The following RTN1 variants were observed in gnomAD, a reference collection of about 807,000 sequenced individuals.
The protein encoded by RTN1 is reticulon-1.
RTN1 carries 25 observed loss-of-function variants against 65.5 expected under a neutral mutation model. That is an observed-to-expected ratio of 0.38 (90% confidence interval 0.28 to 0.53). The LOEUF is 0.53. Ranked by LOEUF, RTN1 falls within the 20% of genes least tolerant of loss-of-function variation. RTN1 has a pLI of 0.79. For synonymous variants in RTN1, 471 were observed against 447.6 expected (o/e 1.05, Z -0.66); for missense variants, 983 against 1,025.4 (o/e 0.96, Z 0.57).
At chr14:59,687,261 C>T (rs773755704) in intron 3 of RTN1, among the ~76,000 whole-genome samples, 17 of 151,734 alleles carry the variant, frequency 1.1e-4, no homozygotes, top group Admixed American at 5.2e-4. Context: ...TGCTTGCCTG[C>T]GCCAGCAGTC....
chr14:59,721,636 G>A (rs778141053), intron 3 of RTN1, among the ~76,000 whole-genome samples: 99 of 152,326 alleles, frequency 6.5e-4, no homozygotes, highest in Non-Finnish European at 1.1e-3. Context: ...GTCCTTGCTA[G>A]CTTAAAGAAA....
intron 2 of RTN1, among the ~76,000 whole-genome samples, chr14:59,732,081 C>T (rs538944397): frequency 8.5e-5 from 13 of 152,254 alleles, no homozygotes; most frequent in African/African-American, 3.1e-4. Context: ...GATCTTGGAA[C>T]AGAAACAGAA....
At chr14:59,741,893 G>T (rs1036096953) in intron 2 of RTN1, among the ~76,000 whole-genome samples, 2 of 152,176 alleles carry the variant, frequency 1.3e-5, no homozygotes, top group African/African-American at 4.8e-5. Context: ...CAGAGGGGCA[G>T]TCCTTGGACC....
intron 2 of RTN1, among the ~76,000 whole-genome samples, chr14:59,737,924 T>G (rs1204964637): frequency 1.3e-5 from 2 of 152,210 alleles, no homozygotes; most frequent in Non-Finnish European, 2.9e-5. Flanking sequence ...GAATTCCCTA[T>G]GTAATAAATG....
chr14:59,851,335 T>G (rs1468063248), intron 1 of RTN1, among the ~76,000 whole-genome samples: 1 of 152,174 alleles, frequency 6.6e-6, no homozygotes, highest in Non-Finnish European at 1.5e-5. Context: ...TTTAACAGAT[T>G]GTTAAAGACT....
intron 1 of RTN1, among the ~76,000 whole-genome samples, chr14:59,831,189 G>A (rs1887118610): frequency 6.6e-6 from 1 of 152,184 alleles, no homozygotes; most frequent in Non-Finnish European, 1.5e-5. Flanking sequence ...GCCAGTGGGT[G>A]CCCAGATACT....
At chr14:59,682,444 G>A (rs1883764915) in intron 3 of RTN1, among the ~76,000 whole-genome samples, 1 of 152,162 alleles carries the variant, frequency 6.6e-6, no homozygotes, top group Non-Finnish European at 1.5e-5. Context: ...CTTTCCTGCT[G>A]TTGAAGTTTA....
intron 3 of RTN1, among the ~76,000 whole-genome samples, chr14:59,671,269 G>A (rs79419820): frequency 1.3e-5 from 2 of 152,254 alleles, no homozygotes; most frequent in East Asian, 3.9e-4. Flanking sequence ...CCATATTTGT[G>A]GAAAAGGATT....
chr14:59,860,784 G>A (rs971055259), intron 1 of RTN1, among the ~76,000 whole-genome samples: 5 of 152,254 alleles, frequency 3.3e-5, no homozygotes, highest in Admixed American at 6.5e-5. Context: ...AGTGAGACAC[G>A]GAGTCAAAGG....
chr14:59,853,467 AC>A (rs777113963), intron 1 of RTN1, among the ~76,000 whole-genome samples: 23 of 152,114 alleles, frequency 1.5e-4, no homozygotes, highest in Non-Finnish European at 2.2e-4. Flanking sequence ...AGCTGTCATA[AC>A]CCATCCTATC....
intron 3 of RTN1, among the ~76,000 whole-genome samples, chr14:59,680,676 G>T (rs768896982): frequency 6.6e-6 from 1 of 152,092 alleles, no homozygotes; most frequent in African/African-American, 2.4e-5. Flanking sequence ...TTTTAGTATG[G>T]TAATTCTATT....
rs886312032 is a variant in RTN1 at position 59,745,860 on chromosome 14, A to G, written c.863T>C (p.Ile288Thr). The change falls in exon 2 of 9, where the codon ATA becomes ACA. Residue 288 changes from isoleucine (I) to threonine (T), a missense_variant. This residue lies in a region of RTN1 where 818 missense variants were observed against 801.8 expected (regional missense o/e 1.02). Transcript: ENST00000267484. The part of the protein sequence containing the change: ...TTPVKITLTE[I>T]EPSVETTTQE... ...GGTAGTGGTTTCAACAGAAGGTTCT[A>G]TTTCCGTCAGTGTGATTTTGACAGG... 1.9e-6 allele frequency: 3 copies of G among 1,613,962 alleles called. No homozygotes were observed. The highest frequency in any genetic ancestry group is 2.5e-6 in the Non-Finnish European group (3 of 1,179,998).
At chr14:59,866,705 A>G (rs1294010903) in intron 1 of RTN1, among the ~76,000 whole-genome samples, 1 of 152,190 alleles carries the variant, frequency 6.6e-6, no homozygotes, top group Non-Finnish European at 1.5e-5. Context: ...TAAAGATAGT[A>G]ATGGCACAGT....
In RTN1 at chr14:59,807,425, C is replaced by A. The variant is rs115037671; in HGVS notation, c.242-60944G>T. The stretch of plus-strand genomic sequence containing the variant: ...GGGATGGGTGTAATCTACAAAGAAT[C>A]CATAATGCCCCACAAAAGATTCAAA... On this transcript the variant is annotated intron_variant, in intron 1 of 8. Transcript: ENST00000267484. Among the ~76,000 whole-genome samples the A allele has an allele frequency of 1.5e-3, 236 of 152,280 alleles. 4 individuals are homozygous for A. The highest frequency in any genetic ancestry group is 5.5e-3 in the African/African-American group (228 of 41,556).
intron 1 of RTN1, among the ~76,000 whole-genome samples, chr14:59,848,083 T>C (rs1887440702): frequency 6.6e-6 from 1 of 152,222 alleles, no homozygotes; most frequent in Admixed American, 6.5e-5. Context: ...GGCTCAGATT[T>C]TGAAGGCCTA....
chr14:59,838,278 A>G (rs1887249433), intron 1 of RTN1, among the ~76,000 whole-genome samples: 1 of 152,232 alleles, frequency 6.6e-6, no homozygotes, highest in African/African-American at 2.4e-5. Context: ...TGCAAAGGTC[A>G]GTTCAACCTT....
Position 59,767,915 on chromosome 14 carries a change from AC to A in RTN1, c.242-21435del, listed in dbSNP as rs1470853821. 5.3e-5 allele frequency among the ~76,000 whole-genome samples: 8 copies of A among 152,380 alleles called. No individual in the cohort carries two copies. In the East Asian group the frequency reaches 1.5e-3, roughly 29 times the overall value. Reference sequence around the variant, plus strand: ...AGCTGTTGCCTTTATGTAAAAAGCTACATACATCAGTTAACCAGCCAGTGAC... The same window carrying A: ...AGCTGTTGCCTTTATGTAAAAAGCTAATACATCAGTTAACCAGCCAGTGAC... On this transcript the variant is annotated intron_variant, in intron 1 of 8. Coordinates refer to ENST00000267484, the MANE Select transcript of RTN1 (RefSeq NM_021136.3).
At chr14:59,736,827 C>T (rs1203994241) in intron 2 of RTN1, among the ~76,000 whole-genome samples, 4 of 152,130 alleles carry the variant, frequency 2.6e-5, no homozygotes, top group African/African-American at 7.2e-5. Flanking sequence ...AGTTTATCCA[C>T]CACAATCAAG....
At chr14:59,840,894 A>G (rs1887299788) in intron 1 of RTN1, among the ~76,000 whole-genome samples, 1 of 152,212 alleles carries the variant, frequency 6.6e-6, no homozygotes, top group South Asian at 2.1e-4. Context: ...TGCCATTCAC[A>G]AAAGTAATTT....
Sources: allele counts gnomAD v4.1 joint callset (sites outside exome capture counted in the v4.1 genomes callset), GRCh38; gene constraint gnomAD v4.1.1; regional missense constraint gnomAD v4.1.1; transcripts MANE v1.5; gene names NCBI Gene and HGNC (gene_info 2026-07-23, HGNC 2026-07-21).